Variants in CCDC22 observed in about 807,000 individuals in gnomAD.
CCDC22 encodes coiled-coil domain-containing protein 22.
CCDC22 carries 4 observed loss-of-function variants against 53.1 expected under a neutral mutation model. The ratio of observed to expected loss-of-function variants is 0.08; its 90% confidence interval spans 0.04 to 0.17. CCDC22 has a LOEUF of 0.17. Among genes scored for constraint, CCDC22 ranks in the 10% least tolerant of loss-of-function variants. The pLI, the probability that CCDC22 is intolerant of heterozygous loss-of-function variation, is 1.00. For synonymous variants in CCDC22, 222 were observed against 224.4 expected, an observed-to-expected ratio of 0.99 and a Z score of 0.10; for missense variants, 458 against 554.0, an observed-to-expected ratio of 0.83 and a Z score of 1.74.
At chrX:49,244,775 G>A (rs1171565601) in intron 6 of CCDC22, among the ~76,000 whole-genome samples, 1 of 111,183 alleles carries the variant, frequency 9.0e-6, no homozygotes, top group African/African-American at 3.3e-5. Context: ...GGCTGGTCTC[G>A]AACTCCTGAC....
Position 49,246,817 on chromosome X carries a change from A to G in CCDC22, c.801A>G (p.Ile267Met). The G allele has an allele frequency of 8.3e-7, 1 of 1,198,509 alleles. No individual in the cohort carries two copies. Among genetic ancestry groups the G allele is most frequent in the Middle Eastern group, 2.3e-4 (1 of 4,290 alleles). Residue 267 changes from isoleucine (I) to methionine (M), a missense_variant, in exon 7 of 17, where the codon ATA (isoleucine) becomes ATG (methionine). Ile to Met is a conservative substitution (Grantham distance 10). Transcript: ENST00000376227. ...GCTGGGGCCTGCTTGGGGCCCCCAT[A>G]CAAGCCCGGGACCTGGGAGAACTGC... Reference protein sequence around the residue: ...RQSWGLLGAPIQARDLGELLQ... With the variant: ...RQSWGLLGAPMQARDLGELLQ...
At chrX:49,245,339 C>T (rs2065984133) in intron 6 of CCDC22, among the ~76,000 whole-genome samples, 1 of 111,781 alleles carries the variant, frequency 8.9e-6, no homozygotes, top group South Asian at 3.7e-4. Context: ...TTTCTGTCTT[C>T]ACCTCTGTGT....
chrX:49,243,308 C>T lies in CCDC22; in HGVS notation c.560C>T (p.Pro187Leu). ...RGEPREFQAS[P>L]LLLPVPTQVP... ...GAGCCACGGGAGTTCCAGGCGAGTC[C>T]CCTGCTGCTTCCAGTCCCTACCCAG... Residue 187 changes from proline (P) to leucine (L), a missense_variant, in exon 6 of 17, where the codon CCC becomes CTC. Pro to Leu is a moderately conservative substitution (Grantham distance 98). This residue lies in a region of CCDC22 where 309 missense variants were observed against 312.3 expected (regional missense o/e 0.99). Transcript: ENST00000376227. 3.3e-6 allele frequency: 4 copies of T among 1,203,377 alleles called. No homozygotes were observed. Among genetic ancestry groups the T allele is most frequent in the Non-Finnish European group, 3.4e-6 (3 of 890,945 alleles).
intron 15 of CCDC22, 36 bp from the exon 16 acceptor site, chrX:49,249,615 G>GGGT: frequency 2.5e-6 from 1 of 406,826 alleles, no homozygotes; most frequent in Non-Finnish European, 4.5e-6. Context: ...GGGTGGGTGG[G>GGGT]ACTGGGTGCA....
chrX:49,235,726 C>T (rs1289351093), intron 1 of CCDC22, 40 bp downstream of exon 1: 3 of 1,121,159 alleles, frequency 2.7e-6, no homozygotes, highest in Non-Finnish European at 2.4e-6. Context: ...AGCCCACATC[C>T]GGGACTCTAA....
Position 49,249,717 on chromosome X carries a change from G to A in CCDC22, c.1762G>A (p.Glu588Lys), listed in dbSNP as rs868977744. 1.8e-5 allele frequency: 22 copies of A among 1,204,785 alleles called. No individual in the cohort carries two copies. Among genetic ancestry groups the A allele is most frequent in the Middle Eastern group, 3.2e-4 (1 of 3,160 alleles). The change falls in exon 16 of 17, where the codon GAG becomes AAG. Residue 588 changes from glutamate to lysine, a missense_variant. Glu to Lys is a moderately conservative substitution (Grantham distance 56). Coordinates refer to ENST00000376227, the MANE Select transcript of CCDC22 (RefSeq NM_014008.5). ...CATCATGCGGGAGGTTCGAGACCTC[G>A]AGGAGCAGGTGAGGCCTGGGGGCAG... Reference protein sequence around the residue: ...GTIMREVRDLEEQIETELGKK... With the variant: ...GTIMREVRDLKEQIETELGKK...
At chrX:49,245,006 A>T (rs72619040) in intron 6 of CCDC22, among the ~76,000 whole-genome samples, 2 of 90,578 alleles carry the variant, frequency 2.2e-5, no homozygotes, top group African/African-American at 4.4e-5. Flanking sequence ...CCTCTCTGTC[A>T]CCCCTCTCCC....
At position 49,246,867 on chromosome X, in the gene CCDC22, A is replaced by G; in HGVS notation, c.851A>G (p.Lys284Arg). 1 of 1,202,607 alleles carries G rather than the reference A, an allele frequency of 8.3e-7. No homozygotes were observed. Among genetic ancestry groups the G allele is most frequent in the Non-Finnish European group, 1.1e-6 (1 of 890,690 alleles). The change falls in exon 7 of 17, where the codon AAG becomes AGG. Residue 284 changes from lysine to arginine, a missense_variant. Lys to Arg is a conservative substitution (Grantham distance 26). Around this residue, in one of 4 missense-constraint regions of CCDC22, gnomAD observed 309 missense variants for 312.3 expected, o/e 0.99. Coordinates refer to ENST00000376227, the MANE Select transcript of CCDC22 (RefSeq NM_014008.5). ...CTGCAGGCCTGGGGTGCTGGGGCCAAGACTGGTGCTCCTAAGGGCTCCCGC... is the reference window on the plus strand; with the variant it reads ...CTGCAGGCCTGGGGTGCTGGGGCCAGGACTGGTGCTCCTAAGGGCTCCCGC... ...ELLQAWGAGA[K>R]TGAPKGSRFT...
rs1195069539 is a variant in CCDC22 at position 49,243,344 on chromosome X, C to A, written c.596C>A (p.Pro199His). 4.2e-6 allele frequency: 5 copies of A among 1,203,419 alleles called. No homozygotes were observed. In the African/African-American group the frequency reaches 7.0e-5, roughly 17 times the overall value. ...LLPVPTQVPQPVGRVASLLEH... is the reference protein window; with the variant it reads ...LLPVPTQVPQHVGRVASLLEH... ...CCAGTCCCTACCCAGGTGCCTCAGC[C>A]TGTTGGAAGGGTGGCCTCGCTCCTC... Residue 199 changes from proline (P) to histidine (H), a missense_variant, in exon 6 of 17, where the codon CCT (proline) becomes CAT (histidine). By Grantham distance (77) the Pro-to-His change is moderately conservative. Transcript: ENST00000376227.
chrX:49,250,409 A>G lies in CCDC22; in HGVS notation c.*148A>G. On this transcript the variant is annotated 3_prime_UTR_variant, in exon 17 of 17. Transcript: ENST00000376227. The stretch of plus-strand genomic sequence containing the variant: ...CCCAGACCCCTGCCCACTGACCGCA[A>G]CCCTTATATGGGGTGATAGTCCAGC... 2.0e-6 allele frequency: 1 copy of G among 512,523 alleles called. No homozygotes were observed. The highest frequency in any genetic ancestry group is 3.5e-6 in the Non-Finnish European group (1 of 283,947). 42.2% of individuals were successfully genotyped at this position (512,523 alleles called of 1,213,427 possible). A position where few individuals can be genotyped will look rare whatever the true frequency, so the allele number is the denominator to read the frequency against.
Position 49,248,850 on chromosome X carries a change from T to C in CCDC22, c.1465T>C (p.Ser489Pro). 2.5e-6 allele frequency: 3 copies of C among 1,210,499 alleles called. No homozygotes were observed. Among genetic ancestry groups the C allele is most frequent in the Non-Finnish European group, 3.4e-6 (3 of 895,124 alleles). ...GCTGGAGACTCTGCCCAGAGATGTGTCCCGGCTGGCCTACACCCAGCGCAT... is the reference window on the plus strand; with the variant it reads ...GCTGGAGACTCTGCCCAGAGATGTGCCCCGGCTGGCCTACACCCAGCGCAT... ...SELETLPRDVSRLAYTQRILE... is the reference protein window; with the variant it reads ...SELETLPRDVPRLAYTQRILE... The change falls in exon 13 of 17, where the codon TCC becomes CCC. Residue 489 changes from serine (S) to proline (P), a missense_variant. Physicochemically the swap from Ser to Pro is moderately conservative, Grantham distance 74 (BLOSUM62 -1). Around this residue, in one of 4 missense-constraint regions of CCDC22, gnomAD observed 48 missense variants for 83.4 expected, o/e 0.58. Coordinates refer to ENST00000376227, the MANE Select transcript of CCDC22 (RefSeq NM_014008.5).
In CCDC22 at chrX:49,250,391, C is replaced by A; in HGVS notation, c.*130C>A. On this transcript the variant is annotated 3_prime_UTR_variant, in exon 17 of 17. Coordinates refer to ENST00000376227, the MANE Select transcript of CCDC22 (RefSeq NM_014008.5). The stretch of plus-strand genomic sequence containing the variant: ...TCCTGCTGCGGCCTTGGACCCAGAC[C>A]CCTGCCCACTGACCGCAACCCTTAT... 1 of 520,153 alleles carries A rather than the reference C, an allele frequency of 1.9e-6. No homozygotes were observed. The highest frequency in any genetic ancestry group is 3.5e-6 in the Non-Finnish European group (1 of 287,848). The allele number at this position is 520,153 out of a possible 1,213,427, so 42.9% of individuals were successfully genotyped here.
chrX:49,236,341 G>C (rs1048772587), intron 1 of CCDC22, among the ~76,000 whole-genome samples: 2 of 109,356 alleles, frequency 1.8e-5, no homozygotes, highest in Non-Finnish European at 3.8e-5. Flanking sequence ...CCAAGTAGCT[G>C]GTATTACAGC....
At chrX:49,244,454 C>T (rs1380638371) in intron 6 of CCDC22, among the ~76,000 whole-genome samples, 1 of 111,209 alleles carries the variant, frequency 9.0e-6, no homozygotes, top group East Asian at 2.8e-4. Context: ...CTGTCCACCT[C>T]TGTATCTGTT....
intron 7 of CCDC22, chrX:49,247,225 C>G: frequency 2.3e-6 from 1 of 438,856 alleles, no homozygotes; most frequent in Non-Finnish European, 4.0e-6. Context: ...ACTCTGAGGG[C>G]CCCCCATCCT....
Position 49,247,711 on chromosome X carries a change from C to G in CCDC22, c.1035C>G (p.Asn345Lys). Reference protein sequence around the residue: ...ESLREQLEGVNRSIEEVEADM... With the variant: ...ESLREQLEGVKRSIEEVEADM... ...TTCGGGAGCAGCTGGAAGGAGTGAACCGCAGCATTGAGGAGGTTGAGGCCG... is the reference window on the plus strand; with the variant it reads ...TTCGGGAGCAGCTGGAAGGAGTGAAGCGCAGCATTGAGGAGGTTGAGGCCG... The change falls in exon 9 of 17, where the codon AAC (asparagine) becomes AAG (lysine). Residue 345 changes from asparagine to lysine, a missense_variant. By Grantham distance (94) the Asn-to-Lys change is moderately conservative. This residue lies in a region of CCDC22 where 309 missense variants were observed against 312.3 expected (regional missense o/e 0.99). Coordinates refer to ENST00000376227, the MANE Select transcript of CCDC22 (RefSeq NM_014008.5). 1 of 1,208,834 alleles carries G rather than the reference C, an allele frequency of 8.3e-7. No homozygotes were observed. The highest frequency in any genetic ancestry group is 1.1e-6 in the Non-Finnish European group (1 of 893,991).
chrX:49,244,675 C>G (rs1557113933), intron 6 of CCDC22, among the ~76,000 whole-genome samples: 1 of 111,582 alleles, frequency 9.0e-6, no homozygotes, highest in Admixed American at 9.5e-5. Flanking sequence ...ATCTTCCCAC[C>G]TCAGGCATCT....
intron 8 of CCDC22, 24 bp from the exon 9 acceptor site, chrX:49,247,625 C>T: frequency 2.5e-6 from 3 of 1,185,760 alleles, no homozygotes; most frequent in Non-Finnish European, 3.4e-6. Flanking sequence ...GACACCCCAA[C>T]CCTGACTGGC....
chrX:49,236,238 C>T (rs913437891), intron 1 of CCDC22, among the ~76,000 whole-genome samples: 13 of 107,408 alleles, frequency 1.2e-4, no homozygotes, highest in South Asian at 4.3e-4. Context: ...GATGGAGTCT[C>T]GCTCTGTCGC....
Sources: gnomAD v4.1 joint callset for allele counts (sites outside exome capture counted in the v4.1 genomes callset) on GRCh38, gnomAD v4.1.1 for gene constraint, gnomAD v4.1.1 regional missense constraint, MANE v1.5 for transcripts, NCBI Gene and HGNC (gene_info 2026-07-23, HGNC 2026-07-21) for gene names.